The following OSBP2 variants were observed in gnomAD, a reference collection of about 807,000 sequenced individuals.
OSBP2 encodes the protein oxysterol-binding protein 2.
Under a neutral mutation model 96.0 loss-of-function variants are expected in OSBP2, and 66 were observed. The observed-to-expected ratio is 0.69, with a 90% CI of 0.56 to 0.84. The LOEUF (loss-of-function observed/expected upper bound fraction) is 0.84. Among genes scored for constraint, OSBP2 ranks in the 40% least tolerant of loss-of-function variants. OSBP2 has a pLI of 0.00. For missense variants in OSBP2, 1,038 were observed against 1,222.7 expected (o/e 0.85, Z 2.25); for synonymous variants, 525 against 520.9 (o/e 1.01, Z -0.11).
intron 1 of OSBP2, among the ~76,000 whole-genome samples, chr22:30,727,754 A>C (rs1004287239): frequency 2.6e-5 from 4 of 152,200 alleles, no homozygotes; most frequent in Admixed American, 2.6e-4. Flanking sequence ...TGTTTAGCTC[A>C]GTGAATGTTC....
intron 2 of OSBP2, among the ~76,000 whole-genome samples, chr22:30,778,418 G>A (rs2090467500): frequency 6.6e-6 from 1 of 151,682 alleles, no homozygotes; most frequent in South Asian, 2.1e-4. Context: ...TTCAGTTTTT[G>A]TTGTCACTTT....
chr22:30,769,249 G>C (rs757721755), intron 2 of OSBP2, among the ~76,000 whole-genome samples: 1 of 152,224 alleles, frequency 6.6e-6, no homozygotes, highest in African/African-American at 2.4e-5. Flanking sequence ...GTGAACTTTG[G>C]ACAAGGCCCT....
At chr22:30,824,346 G>A (rs1195585919) in intron 2 of OSBP2, among the ~76,000 whole-genome samples, 1 of 152,182 alleles carries the variant, frequency 6.6e-6, no homozygotes, top group Non-Finnish European at 1.5e-5. Context: ...GAGGCCCAGC[G>A]GCGAGTGCAG....
chr22:30,748,910 G>T (rs947830181), intron 2 of OSBP2, among the ~76,000 whole-genome samples: 7 of 152,236 alleles, frequency 4.6e-5, no homozygotes, highest in Non-Finnish European at 7.3e-5. Flanking sequence ...TAGGTCAGGA[G>T]TTCGAGATCA....
In OSBP2 at chr22:30,707,686, C is replaced by T. The variant is rs1720353175; in HGVS notation, c.644+12133C>T. Among the ~76,000 whole-genome samples the T allele has an allele frequency of 2.7e-5, 4 of 149,200 alleles. No homozygotes were observed. The South Asian group carries it at 8.6e-4, about 32-fold the overall frequency. The stretch of plus-strand genomic sequence containing the variant: ...GAGTCGAGATCATGCCACTGCACTC[C>T]AGCCTGGGCAACAGAGCGAGACTCT... On this transcript the variant is annotated intron_variant, in intron 1 of 13. Coordinates refer to ENST00000332585, the MANE Select transcript of OSBP2 (RefSeq NM_030758.4).
chr22:30,706,892 C>T (rs1447428108), intron 1 of OSBP2, among the ~76,000 whole-genome samples: 4 of 152,142 alleles, frequency 2.6e-5, no homozygotes, highest in East Asian at 1.9e-4. Context: ...TTTCCTGCAA[C>T]GATCTGGAGG....
At chr22:30,773,504 A>G (rs894182439) in intron 2 of OSBP2, among the ~76,000 whole-genome samples, 3 of 152,218 alleles carry the variant, frequency 2.0e-5, no homozygotes, top group Admixed American at 1.3e-4. Flanking sequence ...CTGATAATCC[A>G]TAGCAACAGG....
chr22:30,764,254 G>A (rs1343827168), intron 2 of OSBP2: 1 of 984,770 alleles, frequency 1.0e-6, no homozygotes, highest in South Asian at 4.7e-5. Context: ...TCTGCCCTTA[G>A]AGCAACTAGA....
chr22:30,820,301 A>G (rs2038246673), intron 2 of OSBP2, among the ~76,000 whole-genome samples: 1 of 152,056 alleles, frequency 6.6e-6, no homozygotes. Context: ...AGGCAGGAGG[A>G]TTGCTTGAGC....
chr22:30,777,300 C>T (rs1480163883), intron 2 of OSBP2, among the ~76,000 whole-genome samples: 7 of 152,086 alleles, frequency 4.6e-5, no homozygotes, highest in Non-Finnish European at 7.4e-5. Context: ...GGGAGGGACC[C>T]GGTGGGAAGT....
At chr22:30,869,692 T>C (rs2039418699) in intron 2 of OSBP2, among the ~76,000 whole-genome samples, 2 of 152,194 alleles carry the variant, frequency 1.3e-5, no homozygotes. Flanking sequence ...TATGCCACTA[T>C]GCCCGGCTAA....
At chr22:30,767,819 C>T (rs1223561609) in intron 2 of OSBP2, among the ~76,000 whole-genome samples, 2 of 152,194 alleles carry the variant, frequency 1.3e-5, no homozygotes, top group East Asian at 1.9e-4. Context: ...GAGGGCTGGG[C>T]GTTGGCAAGA....
intron 3 of OSBP2, among the ~76,000 whole-genome samples, chr22:30,879,820 C>T (rs1053673491): frequency 2.0e-5 from 3 of 152,238 alleles, no homozygotes; most frequent in Non-Finnish European, 2.9e-5. Flanking sequence ...GAGAGGCCGA[C>T]GCGGGCAGAT....
At chr22:30,785,507 C>T (rs535561256) in intron 2 of OSBP2, among the ~76,000 whole-genome samples, 1 of 146,038 alleles carries the variant, frequency 6.8e-6, no homozygotes, top group Non-Finnish European at 1.5e-5. Flanking sequence ...GTGGAGGTTG[C>T]AGTGAGCCAA....
chr22:30,836,914 G>A (rs1174869530), intron 2 of OSBP2, among the ~76,000 whole-genome samples: 7 of 152,220 alleles, frequency 4.6e-5, no homozygotes, highest in South Asian at 4.2e-4. Context: ...CAGGTTCTCC[G>A]TCAACTCTTG....
intron 2 of OSBP2, among the ~76,000 whole-genome samples, chr22:30,859,131 G>T (rs577416650): frequency 5.3e-5 from 8 of 151,850 alleles, no homozygotes; most frequent in African/African-American, 1.9e-4. Context: ...AGGCAGCCGC[G>T]TGTGGAAAAT....
chr22:30,868,640 AT>A (rs1484718897), intron 2 of OSBP2, among the ~76,000 whole-genome samples: 1 of 152,150 alleles, frequency 6.6e-6, no homozygotes, highest in African/African-American at 2.4e-5. Context: ...ATAACAAGTT[AT>A]TGTCATTTGG....
rs201414227 is a variant in OSBP2 at position 30,729,805 on chromosome 22, AC to A, written c.645-11354del. 9.7e-4 allele frequency among the ~76,000 whole-genome samples: 148 copies of A among 152,126 alleles called. 4 individuals carry two copies. The East Asian group carries it at 0.026, about 27-fold the overall frequency. ...TGGATCACAAGGTCAGGAGTTTGAGACCAGCCTGGCACACATAGTGAAACCC... is the reference window on the plus strand; with the variant it reads ...TGGATCACAAGGTCAGGAGTTTGAGACAGCCTGGCACACATAGTGAAACCC... On this transcript the variant is annotated intron_variant, in intron 1 of 13. Transcript: ENST00000332585.
At chr22:30,803,504 A>T (rs1446846473) in intron 2 of OSBP2, among the ~76,000 whole-genome samples, 1 of 152,230 alleles carries the variant, frequency 6.6e-6, no homozygotes, top group Non-Finnish European at 1.5e-5. Context: ...CAGGGGGGAC[A>T]GCTTCCCGTC....
Sources: gnomAD v4.1 joint callset for allele counts (sites outside exome capture counted in the v4.1 genomes callset) on GRCh38, gnomAD v4.1.1 for gene constraint, MANE v1.5 for transcripts, NCBI Gene and HGNC (gene_info 2026-07-23, HGNC 2026-07-21) for gene names.